The following PDE9A variants were observed in gnomAD, a reference collection of about 807,000 sequenced individuals.
PDE9A encodes high affinity cGMP-specific 3',5'-cyclic phosphodiesterase 9A.
Under a neutral mutation model 87.4 loss-of-function variants are expected in PDE9A, and 60 were observed. The ratio of observed to expected loss-of-function variants is 0.69; its 90% CI spans 0.56 to 0.85. The LOEUF (loss-of-function observed/expected upper bound fraction) is 0.85. Among genes scored for constraint, PDE9A ranks in the 40% least tolerant of loss-of-function variants. The pLI, the probability that PDE9A is intolerant of heterozygous loss-of-function variation, is 0.00. For missense variants in PDE9A, 665 were observed against 779.0 expected (o/e 0.85, Z 1.74); for synonymous variants, 272 against 279.4 (o/e 0.97, Z 0.27).
At chr21:42,774,923 C>G (rs2057369954) in intron 19 of PDE9A, among the ~76,000 whole-genome samples, 1 of 146,936 alleles carries the variant, frequency 6.8e-6, no homozygotes, top group Non-Finnish European at 1.5e-5. Context: ...TGTAACGTTT[C>G]TGCGACTGCT....
intron 17 of PDE9A, among the ~76,000 whole-genome samples, chr21:42,769,654 GCA>G (rs1320437211): frequency 6.2e-4 from 26 of 41,676 alleles, no homozygotes; most frequent in African/African-American, 2.0e-3. Flanking sequence ...GGACACACAG[GCA>G]CACATAGGCA....
At chr21:42,669,375 C>T (rs35836857) in intron 1 of PDE9A, among the ~76,000 whole-genome samples, 3,512 of 152,292 alleles carry the variant, frequency 0.023, 67 homozygotes, top group Middle Eastern at 0.048. Flanking sequence ...CCTGCGGGGT[C>T]TTAGATGTCT....
In PDE9A at chr21:42,676,560, C is replaced by T. The variant is rs761005737; in HGVS notation, c.70-9632C>T. Among the ~76,000 whole-genome samples, 2 of 152,240 alleles carry T rather than the reference C, an allele frequency of 1.3e-5. 1 individual carries two copies. On this transcript the variant is annotated intron_variant, in intron 1 of 19. Transcript: ENST00000291539. ...ACCTCTTGAGACTGGCTTTTTCCAA[C>T]TGGCATCATTCCCTTGAGATCCATC...
At chr21:42,654,167 G>A (rs190690566) in intron 1 of PDE9A, among the ~76,000 whole-genome samples, 1 of 152,192 alleles carries the variant, frequency 6.6e-6, no homozygotes, top group Non-Finnish European at 1.5e-5. Context: ...ACATTCAAGG[G>A]CTGGCACATG....
At chr21:42,664,564 G>A (rs1008620417) in intron 1 of PDE9A, among the ~76,000 whole-genome samples, 6 of 152,232 alleles carry the variant, frequency 3.9e-5, no homozygotes, top group Admixed American at 1.3e-4. Context: ...GCAAGGCCCC[G>A]GTGCCAGCAC....
intron 4 of PDE9A, among the ~76,000 whole-genome samples, chr21:42,712,793 G>T (rs1031717697): frequency 8.5e-5 from 13 of 152,266 alleles, no homozygotes; most frequent in Admixed American, 7.2e-4. Flanking sequence ...GGTTGAGGAG[G>T]TGTCCTCTTT....
Position 42,692,864 on chromosome 21 carries a change from T to C in PDE9A, c.218+4870T>C, listed in dbSNP as rs2059930798. On this transcript the variant is annotated intron_variant, in intron 3 of 19. Transcript: ENST00000291539. The surrounding 1 kb of genome is among the most constrained non-coding windows in gnomAD (Gnocchi z 4.3). ...GTGCTTCGGGGCCCGCACGCCTTGC[T>C]CCTCGCACTCTTCCTGCACCGGAGC... Among the ~76,000 whole-genome samples, 1 of 152,152 alleles carries C rather than the reference T, an allele frequency of 6.6e-6. No individual in the cohort carries two copies. Among genetic ancestry groups the C allele is most frequent in the Non-Finnish European group, 1.5e-5 (1 of 68,012 alleles).
Position 42,772,424 on chromosome 21 carries a change from T to C in PDE9A, c.1687-15T>C. 4 of 1,588,200 alleles carry C rather than the reference T, an allele frequency of 2.5e-6. No homozygotes were observed. Among genetic ancestry groups the C allele is most frequent in the Non-Finnish European group, 3.4e-6 (4 of 1,161,550 alleles). On this transcript the variant is annotated splice_polypyrimidine_tract_variant and intron_variant, in intron 18 of 19. Transcript: ENST00000291539. ...TCCTGCTCCCTGACTTGGCCTTCTC[T>C]GTACTCTGTTCCAGTTACAGAAGAA...
chr21:42,731,108 C>G (rs2051684372), intron 4 of PDE9A, among the ~76,000 whole-genome samples: 1 of 152,332 alleles, frequency 6.6e-6, no homozygotes, highest in East Asian at 1.9e-4. Context: ...CAGGCATGCA[C>G]CACCATGCCT....
chr21:42,686,359 G>C, intron 2 of PDE9A, 97 bp downstream of exon 2: 1 of 926,704 alleles, frequency 1.1e-6, no homozygotes, highest in African/African-American at 1.6e-5. Context: ...TGAAGGGCCC[G>C]AGGCACCGGC....
intron 1 of PDE9A, among the ~76,000 whole-genome samples, chr21:42,655,104 T>TCACACA (rs376727348): frequency 2.0e-5 from 3 of 150,730 alleles, no homozygotes; most frequent in South Asian, 2.1e-4. Context: ...GCATGCACAC[T>TCACACA]CACACACACA....
chr21:42,687,571 A>G (rs1196083530), intron 2 of PDE9A, among the ~76,000 whole-genome samples: 2 of 152,178 alleles, frequency 1.3e-5, no homozygotes, highest in Non-Finnish European at 2.9e-5. Context: ...GCGGAAAGAC[A>G]AACTATGAGT....
At chr21:42,755,576 C>T (rs558527298) in intron 10 of PDE9A, among the ~76,000 whole-genome samples, 8 of 152,258 alleles carry the variant, frequency 5.3e-5, no homozygotes, top group Non-Finnish European at 1.2e-4. Context: ...TCTAGGTCAA[C>T]GCACAAAAGG....
chr21:42,769,395 A>G (rs558866513), intron 17 of PDE9A, among the ~76,000 whole-genome samples: 11 of 125,216 alleles, frequency 8.8e-5, no homozygotes, highest in African/African-American at 3.5e-4. Context: ...AGGCACACAA[A>G]TGCACACACA....
intron 1 of PDE9A, among the ~76,000 whole-genome samples, chr21:42,664,053 G>A (rs546134029): frequency 3.3e-5 from 5 of 152,226 alleles, no homozygotes; most frequent in East Asian, 3.8e-4. Flanking sequence ...GCCCGGGGCC[G>A]AGTCGGGTCC....
rs1569271957 is a variant in PDE9A at position 42,765,360 on chromosome 21, CGTT to C, written c.1243-17_1243-15del. On this transcript the variant is annotated intron_variant, in intron 14 of 19. Transcript: ENST00000291539. ...TGTTCAGACTATACCCGTGTTAACA[CGTT>C]GTTCTCTCGCTATTTAGGGAATGAT... 4 of 1,420,956 alleles carry C rather than the reference CGTT, an allele frequency of 2.8e-6. No individual in the cohort carries two copies. The highest frequency in any genetic ancestry group is 2.0e-6 in the Non-Finnish European group (2 of 1,007,334). 88.0% of individuals were successfully genotyped at this position (1,420,956 alleles called of 1,614,324 possible). A position where few individuals can be genotyped will look rare whatever the true frequency, so the allele number is the denominator to read the frequency against.
chr21:42,695,245 C>A lies in PDE9A; in HGVS notation c.219-3723C>A, dbSNP rs938091340. On this transcript the variant is annotated intron_variant, in intron 3 of 19. Transcript: ENST00000291539. The surrounding 1 kb of genome is among the most constrained non-coding windows in gnomAD (Gnocchi z 4.3). The stretch of plus-strand genomic sequence containing the variant: ...CAAATATAAAAAGTCATAGCCCAAC[C>A]ATGATCAAATAAGGCTCCAGCATTC... Among the ~76,000 whole-genome samples, 36 of 152,206 alleles carry A rather than the reference C, an allele frequency of 2.4e-4. 1 individual carries two copies. The highest frequency in any genetic ancestry group is 1.3e-4 in the Admixed American group (2 of 15,290).
rs183936757 is a variant in PDE9A at position 42,749,876 on chromosome 21, G to A, written c.654-1240G>A. Among the ~76,000 whole-genome samples the A allele has an allele frequency of 1.9e-3, 285 of 152,278 alleles. 1 individual carries two copies. Among genetic ancestry groups the A allele is most frequent in the African/African-American group, 5.6e-3 (234 of 41,562 alleles). ...AAAGGGGCTGGGCGCAGTGGCTCAC[G>A]CCTGTAATCCCAACACTTTGGGAGG... is the stretch of plus-strand genomic sequence containing the variant. On this transcript the variant is annotated intron_variant, in intron 8 of 19. Coordinates refer to ENST00000291539, the MANE Select transcript of PDE9A (RefSeq NM_002606.3).
chr21:42,733,660 C>A (rs1310941562), intron 7 of PDE9A: 2 of 540,794 alleles, frequency 3.7e-6, no homozygotes, highest in Non-Finnish European at 6.6e-6. Flanking sequence ...ATTCTTTCAG[C>A]CCCAAAGAAT....
Sources: allele counts gnomAD v4.1 joint callset (sites outside exome capture counted in the v4.1 genomes callset), GRCh38; gene constraint gnomAD v4.1.1; non-coding constraint Gnocchi (gnomAD v3.1); transcripts MANE v1.5; gene names NCBI Gene and HGNC (gene_info 2026-07-23, HGNC 2026-07-21).